The following CACNA1A variants were observed in gnomAD, a reference collection of about 807,000 sequenced individuals.
CACNA1A encodes voltage-dependent P/Q-type calcium channel subunit alpha-1A.
CACNA1A carries 57 observed loss-of-function variants against 262.4 expected under a neutral mutation model. That is an observed-to-expected ratio of 0.22 (90% CI 0.18 to 0.27). The LOEUF is 0.27. CACNA1A is among the 10% of genes least tolerant of loss of function. The pLI, the probability that CACNA1A is intolerant of heterozygous loss-of-function variation, is 1.00. For synonymous variants in CACNA1A, 1,431 were observed against 1,419.3 expected, an observed-to-expected ratio of 1.01 and a Z score of -0.18; for missense variants, 2,526 against 3,562.8, an observed-to-expected ratio of 0.71 and a Z score of 7.41.
rs745912967 is a variant in CACNA1A at position 13,207,747 on chromosome 19, G to A, written c.7087C>T (p.Arg2363Cys). ...ACCCGCCTCTCCATCCTGGGCGAGC[G>A]GCCGCTGCTGTGGCCCCCCGTGGGC... ...RPPTGGHSSGRSPRMERRVPG... is the reference protein window; with the variant it reads ...RPPTGGHSSGCSPRMERRVPG... Residue 2363 changes from arginine (R) to cysteine (C), a missense_variant, in exon 47 of 47, where the codon CGC becomes TGC. Arg to Cys is a radical substitution (Grantham distance 180). Around this residue, in one of 17 missense-constraint regions of CACNA1A, gnomAD observed 929 missense variants for 868.1 expected, o/e 1.07. Transcript: ENST00000360228. This position sits in a 1 kb window ranked among gnomAD's most constrained non-coding sequence, Gnocchi z 5.7. 1.9e-5 allele frequency: 26 copies of A among 1,370,166 alleles called. No individual in the cohort carries two copies. Among genetic ancestry groups the A allele is most frequent in the Non-Finnish European group, 2.2e-5 (23 of 1,068,952 alleles). The allele number at this position is 1,370,166 out of a possible 1,614,324, so 84.9% of individuals were successfully genotyped here.
chr19:13,423,203 G>C (rs765756958), intron 3 of CACNA1A, among the ~76,000 whole-genome samples: 4 of 152,194 alleles, frequency 2.6e-5, no homozygotes, highest in Non-Finnish European at 5.9e-5. Flanking sequence ...AGGGGATTTG[G>C]AGATGGACAA....
chr19:13,368,338 CTT>C (rs796514314), intron 4 of CACNA1A, among the ~76,000 whole-genome samples: 11 of 140,588 alleles, frequency 7.8e-5, no homozygotes, highest in Non-Finnish European at 7.8e-5. Flanking sequence ...CTATCATTGG[CTT>C]TTTTTTTTTT....
chr19:13,263,037 T>C lies in CACNA1A; in HGVS notation c.3990-204A>G, dbSNP rs2056773999. 6 of 572,672 alleles carry C rather than the reference T, an allele frequency of 1.0e-5. No individual in the cohort carries two copies. The East Asian group carries it at 1.8e-4, about 17-fold the overall frequency. The allele number at this position is 572,672 out of a possible 1,614,324, so 35.5% of individuals were successfully genotyped here. On this transcript the variant is annotated intron_variant, in intron 24 of 46. Coordinates refer to ENST00000360228, the MANE Select transcript of CACNA1A (RefSeq NM_001127222.2). Reference sequence around the variant, plus strand: ...CTCGGGAGCCAGTAAGTACGTGGCTTTTTGTGGTTCTGGTCCCAGGGTTGG... The same window carrying C: ...CTCGGGAGCCAGTAAGTACGTGGCTCTTTGTGGTTCTGGTCCCAGGGTTGG...
intron 3 of CACNA1A, among the ~76,000 whole-genome samples, chr19:13,431,749 A>G (rs2060507975): frequency 6.6e-6 from 1 of 152,186 alleles, no homozygotes; most frequent in Admixed American, 6.5e-5. Context: ...CCTGGAGGAC[A>G]TTATACTAAG....
intron 19 of CACNA1A, among the ~76,000 whole-genome samples, chr19:13,291,098 C>T (rs1346250132): frequency 1.3e-5 from 2 of 152,116 alleles, no homozygotes; most frequent in South Asian, 2.1e-4. Flanking sequence ...AACTTTGAAG[C>T]TGCACCCCTA....
chr19:13,459,895 GCCAGTGTT>G (rs1215522455), intron 1 of CACNA1A, among the ~76,000 whole-genome samples: 3 of 152,248 alleles, frequency 2.0e-5, no homozygotes, highest in Non-Finnish European at 2.9e-5. Context: ...GTTTCAACTG[GCCAGTGTT>G]GCCTGGATTT....
intron 23 of CACNA1A, among the ~76,000 whole-genome samples, chr19:13,276,507 G>C (rs536370870): frequency 6.6e-6 from 1 of 152,112 alleles, no homozygotes; most frequent in African/African-American, 2.4e-5. Flanking sequence ...TGTGATCCCC[G>C]GCACAAGGTG....
intron 3 of CACNA1A, among the ~76,000 whole-genome samples, chr19:13,442,453 T>C (rs943094709): frequency 6.6e-6 from 1 of 152,094 alleles, no homozygotes; most frequent in African/African-American, 2.4e-5. Flanking sequence ...AACAGAGATG[T>C]AGAGAGATGG....
intron 3 of CACNA1A, among the ~76,000 whole-genome samples, chr19:13,412,903 C>T (rs1186876977): frequency 6.6e-6 from 1 of 152,150 alleles, no homozygotes; most frequent in Admixed American, 6.5e-5. Context: ...TGAAGTGGGA[C>T]ATGTTATGGT....
chr19:13,366,391 G>T (rs905530922), intron 4 of CACNA1A: 1 of 152,096 alleles, frequency 6.6e-6, no homozygotes, highest in Non-Finnish European at 1.5e-5. Flanking sequence ...GATCGTTAAG[G>T]CTGCAGTGAG....
chr19:13,232,391 A>T (rs1447862100), intron 34 of CACNA1A, among the ~76,000 whole-genome samples: 1 of 151,374 alleles, frequency 6.6e-6, no homozygotes, highest in Non-Finnish European at 1.5e-5. Context: ...TTTTGTAGAG[A>T]TGGGGTTTCA....
At chr19:13,347,154 G>T (rs772962932) in intron 6 of CACNA1A, among the ~76,000 whole-genome samples, 7 of 149,254 alleles carry the variant, frequency 4.7e-5, no homozygotes, top group Non-Finnish European at 8.9e-5. Flanking sequence ...AACCTCCCAG[G>T]CTCAAGCAGT....
rs536726110 is a variant in CACNA1A, at chr19:13,461,670, G to A, written c.294-6458C>T. On this transcript the variant is annotated intron_variant, in intron 1 of 46. Transcript: ENST00000360228. ...ACCTCAAGTCATGCCTGATCCTCCCGATTTAGAAAGCCTGAGTTCTAACTC... is the reference window on the plus strand; with the variant it reads ...ACCTCAAGTCATGCCTGATCCTCCCAATTTAGAAAGCCTGAGTTCTAACTC... 5.3e-5 allele frequency among the ~76,000 whole-genome samples: 8 copies of A among 152,278 alleles called. No homozygotes were observed. In the South Asian group the frequency reaches 1.2e-3, roughly 24 times the overall value.
At position 13,420,197 on chromosome 19, in the gene CACNA1A, A is replaced by G. The variant is rs80048256; in HGVS notation, c.539+32679T>C. 3.9e-3 allele frequency among the ~76,000 whole-genome samples: 597 copies of G among 151,898 alleles called. 3 individuals are homozygous for G. The highest frequency in any genetic ancestry group is 0.014 in the African/African-American group (574 of 41,424). ...CCCCATGGGCTGGCCATCTATTTTT[A>G]TAAAGTTATGTGGAATTCAGCTGCA... On this transcript the variant is annotated intron_variant, in intron 3 of 46. Transcript: ENST00000360228.
chr19:13,495,613 T>C (rs748128070), intron 1 of CACNA1A, among the ~76,000 whole-genome samples: 3 of 152,204 alleles, frequency 2.0e-5, no homozygotes, highest in Admixed American at 6.5e-5. Flanking sequence ...ATTCACTTGA[T>C]ACTGGAAAAG....
intron 1 of CACNA1A, among the ~76,000 whole-genome samples, chr19:13,504,546 A>G (rs973780065): frequency 6.6e-6 from 1 of 151,980 alleles, no homozygotes; most frequent in Non-Finnish European, 1.5e-5. Flanking sequence ...TCAAACAGCA[A>G]CCCCCGGAGA....
At chr19:13,441,383 T>C (rs1226879139) in intron 3 of CACNA1A, among the ~76,000 whole-genome samples, 2 of 152,136 alleles carry the variant, frequency 1.3e-5, no homozygotes, top group Non-Finnish European at 2.9e-5. Flanking sequence ...TCCTATTCTG[T>C]TGGCCAGGCA....
chr19:13,356,863 C>A (rs933344569), intron 6 of CACNA1A, among the ~76,000 whole-genome samples: 2 of 152,168 alleles, frequency 1.3e-5, no homozygotes, highest in Admixed American at 1.3e-4. Context: ...ACCCTTTGTC[C>A]AAGCTGTTTG....
chr19:13,408,142 T>C (rs1257270129), intron 3 of CACNA1A, among the ~76,000 whole-genome samples: 2 of 152,110 alleles, frequency 1.3e-5, no homozygotes, highest in Admixed American at 6.6e-5. Flanking sequence ...TCTCAGGTAG[T>C]TCTTTATAGC....
Sources: gnomAD v4.1 joint callset for allele counts (sites outside exome capture counted in the v4.1 genomes callset) on GRCh38, gnomAD v4.1.1 for gene constraint, gnomAD v4.1.1 regional missense constraint, Gnocchi (gnomAD v3.1) non-coding constraint, MANE v1.5 for transcripts, NCBI Gene and HGNC (gene_info 2026-07-23, HGNC 2026-07-21) for gene names.